The following EML5 variants were observed in gnomAD, a reference collection of about 807,000 sequenced individuals.
The protein encoded by EML5 is EMAP like 5.
EML5 carries 120 observed loss-of-function variants against 250.0 expected under a neutral mutation model. That is an observed-to-expected ratio of 0.48 (90% CI 0.41 to 0.56). EML5 has a LOEUF of 0.56. Among genes scored for constraint, EML5 ranks in the 20% least tolerant of loss-of-function variants. The pLI, the probability that EML5 is intolerant of heterozygous loss-of-function variation, is 0.00. For missense variants in EML5, 2,006 were observed against 2,437.6 expected (o/e 0.82, Z 3.73); for synonymous variants, 771 against 806.5 (o/e 0.96, Z 0.75).
At position 88,638,885 on chromosome 14, in the gene EML5, T is replaced by C. The variant is rs2090893707; in HGVS notation, c.4260A>G (p.Glu1420=). ...TGAGGCACAGAATATCATCATTATG[T>C]TCCTGATAAAAACTCTGAGAACCTA... ...VATGSQSFYQ[E]HNDDILCLTV... Residue 1420 remains glutamate, a synonymous_variant, in exon 32 of 44, where the codon GAA becomes GAG. Coordinates refer to ENST00000554922, the MANE Select transcript of EML5 (RefSeq NM_183387.3). 1.3e-6 allele frequency: 2 copies of C among 1,587,666 alleles called. No homozygotes were observed. Among genetic ancestry groups the C allele is most frequent in the African/African-American group, 1.3e-5 (1 of 74,354 alleles).
Position 88,634,469 on chromosome 14 carries a change from C to G in EML5, c.4357G>C (p.Ala1453Pro). ...GQVGDSADMS[A>P]TAPSIHIWDA... ...GCAGAAAATGTTTAGTTTTCCTTAC[C>G]TGACATGTCTGCTGAATCACCTATA... The change falls in exon 33 of 44, where the codon GCT (alanine) becomes CCT (proline). Residue 1453 changes from alanine to proline, a missense_variant and splice_region_variant. By Grantham distance (27) the Ala-to-Pro change is conservative. This residue lies in a region of EML5 where 1,375 missense variants were observed against 1,590.3 expected (regional missense o/e 0.86). Transcript: ENST00000554922. 1 of 1,465,530 alleles carries G rather than the reference C, an allele frequency of 6.8e-7. No individual in the cohort carries two copies. Among genetic ancestry groups the G allele is most frequent in the Non-Finnish European group, 9.1e-7 (1 of 1,095,728 alleles). 90.8% of individuals were successfully genotyped at this position (1,465,530 alleles called of 1,614,324 possible).
rs778532595 is a variant in EML5 at position 88,715,118 on chromosome 14, T to C, written c.1265A>G (p.Tyr422Cys). The C allele has an allele frequency of 6.2e-7, 1 of 1,613,124 alleles. No individual in the cohort carries two copies. ...HELKYSPDGT[Y>C]LAVGCNDSSV... The stretch of plus-strand genomic sequence containing the variant: ...GCTGTCATTGCATCCAACAGCAAGG[T>C]AAGTTCCATCTGGTGAATATTTTAA... Residue 422 changes from tyrosine (Y) to cysteine (C), a missense_variant, in exon 9 of 44, where the codon TAC becomes TGC. Transcript: ENST00000554922.
intron 21 of EML5, among the ~76,000 whole-genome samples, chr14:88,671,918 T>C (rs1036068328): frequency 2.6e-5 from 4 of 152,236 alleles, no homozygotes; most frequent in African/African-American, 9.6e-5. Flanking sequence ...CTTAGAGACC[T>C]ACGAAGAGAC....
At chr14:88,673,813 T>C (rs12895551) in intron 21 of EML5, among the ~76,000 whole-genome samples, 61,076 of 152,078 alleles carry the variant, frequency 0.4, 14,774 homozygotes, top group African/African-American at 0.66. Context: ...AGGAATATAG[T>C]TAACAAGGGA....
At chr14:88,618,557 G>A in intron 40 of EML5, 93 bp downstream of exon 40, 1 of 1,409,968 alleles carries the variant, frequency 7.1e-7, no homozygotes. Flanking sequence ...AGAAGCTGGA[G>A]CTCTGGAGCT....
At position 88,680,874 on chromosome 14, in the gene EML5, CAAG is replaced by C. The variant is rs1416774632; in HGVS notation, c.3124+1013_3124+1015del. On this transcript the variant is annotated intron_variant, in intron 21 of 43. Transcript: ENST00000554922. The stretch of plus-strand genomic sequence containing the variant: ...ACTTACAATACAAATTTAAAATGCA[CAAG>C]AAGATGGACCACTAGGAGGGAGTCA... Among the ~76,000 whole-genome samples the C allele has an allele frequency of 4.0e-5, 6 of 151,556 alleles. No homozygotes were observed. The East Asian group carries it at 1.2e-3, about 29-fold the overall frequency.
intron 2 of EML5, among the ~76,000 whole-genome samples, chr14:88,749,653 A>G (rs1356673738): frequency 6.6e-6 from 1 of 152,150 alleles, no homozygotes; most frequent in Non-Finnish European, 1.5e-5. Context: ...AAACAGCAGA[A>G]TATACTTTTT....
chr14:88,770,544 A>T (rs537197718), intron 1 of EML5, among the ~76,000 whole-genome samples: 11 of 152,124 alleles, frequency 7.2e-5, no homozygotes, highest in Non-Finnish European at 1.6e-4. Flanking sequence ...AAAGAGTGGG[A>T]TCCAGTACAC....
chr14:88,721,108 A>G (rs2093582618), intron 8 of EML5, among the ~76,000 whole-genome samples: 1 of 152,216 alleles, frequency 6.6e-6, no homozygotes, highest in Non-Finnish European at 1.5e-5. Context: ...ACCACTGCAC[A>G]AGGAAATAAA....
At chr14:88,658,762 T>C (rs557194592) in intron 25 of EML5, among the ~76,000 whole-genome samples, 2 of 152,228 alleles carry the variant, frequency 1.3e-5, no homozygotes, top group East Asian at 1.9e-4. Flanking sequence ...TTACTTATAG[T>C]AGTGAAAAAA....
At position 88,613,408 on chromosome 14, in the gene EML5, G is replaced by A. The variant is rs1182236447; in HGVS notation, c.*2410C>T. 1 of 147,398 alleles carries A rather than the reference G, an allele frequency of 6.8e-6. No individual in the cohort carries two copies. Among genetic ancestry groups the A allele is most frequent in the African/African-American group, 2.7e-5 (1 of 37,176 alleles). The allele number at this position is 147,398 out of a possible 1,614,324, so 9.1% of individuals were successfully genotyped here. On this transcript the variant is annotated 3_prime_UTR_variant, in exon 44 of 44. Coordinates refer to ENST00000554922, the MANE Select transcript of EML5 (RefSeq NM_183387.3). ...CTTTTAGCTATCATTTATAAAGATAGTTTTGTTCTCAGTTTCACTATAAAT... is the reference window on the plus strand; with the variant it reads ...CTTTTAGCTATCATTTATAAAGATAATTTTGTTCTCAGTTTCACTATAAAT...
intron 7 of EML5, among the ~76,000 whole-genome samples, chr14:88,732,733 T>C (rs966627415): frequency 6.6e-6 from 1 of 152,202 alleles, no homozygotes; most frequent in South Asian, 2.1e-4. Context: ...AGCAGTTAAA[T>C]GGCTTAGCAG....
chr14:88,631,000 T>G (rs1174398488), intron 33 of EML5, among the ~76,000 whole-genome samples: 1 of 152,170 alleles, frequency 6.6e-6, no homozygotes, highest in African/African-American at 2.4e-5. Context: ...TATCCTCTGC[T>G]GTAAAATGCA....
intron 1 of EML5, among the ~76,000 whole-genome samples, chr14:88,784,104 G>C (rs368610038): frequency 6.6e-6 from 1 of 152,108 alleles, no homozygotes; most frequent in Admixed American, 6.6e-5. Context: ...TGAAACAAAT[G>C]TAAGTGGAAA....
chr14:88,725,921 T>C (rs925259973), intron 8 of EML5, among the ~76,000 whole-genome samples: 7 of 152,278 alleles, frequency 4.6e-5, no homozygotes, highest in African/African-American at 9.6e-5. Context: ...AGTTTCTGAA[T>C]TGAGCAACTG....
chr14:88,681,616 G>A (rs934991794), intron 21 of EML5, among the ~76,000 whole-genome samples: 2 of 152,120 alleles, frequency 1.3e-5, no homozygotes, highest in African/African-American at 2.4e-5. Context: ...TCACAAAGGA[G>A]AGAAAAACTT....
intron 28 of EML5, among the ~76,000 whole-genome samples, chr14:88,648,061 C>T (rs974120666): frequency 6.6e-6 from 1 of 152,044 alleles, no homozygotes; most frequent in African/African-American, 2.4e-5. Flanking sequence ...TAGAATTTTG[C>T]TAGTAAAAAA....
At chr14:88,706,054 G>A (rs184448063) in intron 11 of EML5, among the ~76,000 whole-genome samples, 1 of 151,980 alleles carries the variant, frequency 6.6e-6, no homozygotes, top group Non-Finnish European at 1.5e-5. Context: ...AGATTAAAAC[G>A]CAATCAAAAT....
At chr14:88,627,441 T>A in intron 34 of EML5, 1 of 529,126 alleles carries the variant, frequency 1.9e-6, no homozygotes. Flanking sequence ...AATGGTTTCA[T>A]TAATTTATCT....
Sources: gnomAD v4.1 joint callset for allele counts (sites outside exome capture counted in the v4.1 genomes callset) on GRCh38, gnomAD v4.1.1 for gene constraint, gnomAD v4.1.1 regional missense constraint, MANE v1.5 for transcripts, NCBI Gene and HGNC (gene_info 2026-07-23, HGNC 2026-07-21) for gene names.